SLC44A5: variants seen among roughly 807,000 people sequenced by gnomAD.
SLC44A5 encodes the protein choline transporter-like protein 5.
SLC44A5 carries 57 observed loss-of-function variants against 101.8 expected under a neutral mutation model. The ratio of observed to expected loss-of-function variants is 0.56; its 90% CI spans 0.45 to 0.70. The LOEUF is 0.70. Ranked by LOEUF, SLC44A5 falls within the 30% of genes least tolerant of loss-of-function variation. The pLI is 0.00. For synonymous variants in SLC44A5, 281 were observed against 290.9 expected (o/e 0.97, Z 0.35); for missense variants, 737 against 853.1 (o/e 0.86, Z 1.70).
intron 1 of SLC44A5, among the ~76,000 whole-genome samples, chr1:75,586,119 A>G (rs970396700): frequency 6.6e-6 from 1 of 152,194 alleles, no homozygotes; most frequent in Non-Finnish European, 1.5e-5. Context: ...AGTTAAGCAG[A>G]TTGTCCTGCC....
the SLC44A5 span, among the ~76,000 whole-genome samples, chr1:75,694,863 G>T: frequency 1.3e-5 from 2 of 152,166 alleles, no homozygotes; most frequent in African/African-American, 4.8e-5. Flanking sequence ...ATGGAAGGTT[G>T]TATAATAGCT....
intron 1 of SLC44A5, among the ~76,000 whole-genome samples, chr1:75,596,228 A>T (rs1236651285): frequency 6.7e-6 from 1 of 148,744 alleles, no homozygotes; most frequent in South Asian, 2.1e-4. Flanking sequence ...ACACACACAC[A>T]ATGTAATGTT....
chr1:75,486,309 T>C (rs1250048139), intron 2 of SLC44A5, among the ~76,000 whole-genome samples: 1 of 152,090 alleles, frequency 6.6e-6, no homozygotes, highest in Non-Finnish European at 1.5e-5. Context: ...ATAACTTCTG[T>C]TTGAAAAAAA....
the SLC44A5 span, among the ~76,000 whole-genome samples, chr1:75,666,254 T>A: frequency 6.6e-6 from 1 of 152,014 alleles, no homozygotes; most frequent in Non-Finnish European, 1.5e-5. Flanking sequence ...ATAAAAAAAA[T>A]GTGGTATAAA....
At chr1:75,271,235 A>C (rs866218715) in intron 6 of SLC44A5, among the ~76,000 whole-genome samples, 1 of 152,050 alleles carries the variant, frequency 6.6e-6, no homozygotes, top group Non-Finnish European at 1.5e-5. Flanking sequence ...TACTTCATGA[A>C]TTTTGTTAAC....
At chr1:75,388,073 AG>A (rs1414635330) in intron 3 of SLC44A5, among the ~76,000 whole-genome samples, 9 of 89,500 alleles carry the variant, frequency 1.0e-4, no homozygotes, top group South Asian at 4.7e-4. Flanking sequence ...GGGTGGGGGG[AG>A]GGGGGAGGGA....
intron 1 of SLC44A5, among the ~76,000 whole-genome samples, chr1:75,576,294 G>A (rs1673358371): frequency 6.6e-6 from 1 of 151,822 alleles, no homozygotes; most frequent in Admixed American, 6.6e-5. Flanking sequence ...AAATACTTAA[G>A]GTTTTATAAA....
the SLC44A5 span, among the ~76,000 whole-genome samples, chr1:75,696,795 C>T: frequency 6.6e-6 from 1 of 151,682 alleles, no homozygotes; most frequent in East Asian, 1.9e-4. Context: ...CCCAGCTACT[C>T]GGGAGGCTGA....
At chr1:75,304,433 T>C (rs574106520) in intron 4 of SLC44A5, among the ~76,000 whole-genome samples, 3 of 152,286 alleles carry the variant, frequency 2.0e-5, no homozygotes, top group African/African-American at 7.2e-5. Context: ...CTTAGAAAGT[T>C]ACCGGAAAAT....
intron 18 of SLC44A5, 64 bp downstream of exon 18, chr1:75,217,802 G>T: frequency 2.0e-6 from 2 of 1,020,962 alleles, no homozygotes; most frequent in Non-Finnish European, 3.1e-6. Flanking sequence ...ATAATCATCA[G>T]GTCTCCCCCA....
At chr1:75,374,833 C>A (rs1282598312) in intron 3 of SLC44A5, among the ~76,000 whole-genome samples, 1 of 152,138 alleles carries the variant, frequency 6.6e-6, no homozygotes, top group Non-Finnish European at 1.5e-5. Flanking sequence ...CACAGTCAAA[C>A]ACAAAAATTA....
At chr1:75,683,125 T>C in the SLC44A5 span, among the ~76,000 whole-genome samples, 1 of 151,802 alleles carries the variant, frequency 6.6e-6, no homozygotes, top group Admixed American at 6.6e-5. Flanking sequence ...GGAGAGGATG[T>C]GGAGAAATAG....
intron 2 of SLC44A5, chr1:75,402,387 G>T: frequency 2.7e-6 from 1 of 375,388 alleles, no homozygotes; most frequent in Non-Finnish European, 5.5e-6. Flanking sequence ...CACTACAAGA[G>T]GTGGCTGGCA....
At chr1:75,225,648 C>G (rs1187176754) in intron 13 of SLC44A5, among the ~76,000 whole-genome samples, 1 of 152,122 alleles carries the variant, frequency 6.6e-6, no homozygotes, top group Non-Finnish European at 1.5e-5. Flanking sequence ...ATAACTCTGC[C>G]TACTTTCAGT....
chr1:75,708,061 G>A, the SLC44A5 span, among the ~76,000 whole-genome samples: 1 of 151,940 alleles, frequency 6.6e-6, no homozygotes, highest in Non-Finnish European at 1.5e-5. Flanking sequence ...ATTTGACAAG[G>A]CTAGTGGGAA....
At chr1:75,325,691 GGTAT>G (rs1656528799) in intron 4 of SLC44A5, among the ~76,000 whole-genome samples, 1 of 151,910 alleles carries the variant, frequency 6.6e-6, no homozygotes, top group South Asian at 2.1e-4. Context: ...CTTCATCATA[GGTAT>G]GTATGTATAG....
chr1:75,346,359 G>A (rs541614513), intron 3 of SLC44A5, among the ~76,000 whole-genome samples: 9 of 152,102 alleles, frequency 5.9e-5, no homozygotes, highest in Non-Finnish European at 1.2e-4. Context: ...GAAATAATTT[G>A]CTCTATATGA....
At chr1:75,435,606 CAA>C (rs1158270119) in intron 2 of SLC44A5, among the ~76,000 whole-genome samples, 2 of 152,088 alleles carry the variant, frequency 1.3e-5, no homozygotes, top group East Asian at 3.9e-4. Flanking sequence ...GCTGTGGAGA[CAA>C]AGACCTACTT....
At chr1:75,214,762 C>A in intron 19 of SLC44A5, 84 bp from the exon 20 acceptor site, 2 of 1,053,750 alleles carry the variant, frequency 1.9e-6, no homozygotes, top group Non-Finnish European at 2.8e-6. Flanking sequence ...GGAAGGTAAC[C>A]AAATTAATTC....
Sources: allele counts gnomAD v4.1 joint callset (sites outside exome capture counted in the v4.1 genomes callset), GRCh38; gene constraint gnomAD v4.1.1; transcripts MANE v1.5; gene names NCBI Gene and HGNC (gene_info 2026-07-23, HGNC 2026-07-21).